The following ZBTB20 variants were observed in gnomAD, a reference collection of about 807,000 sequenced individuals.
ZBTB20 encodes the protein zinc finger and BTB domain containing 20.
Under a neutral mutation model 56.9 loss-of-function variants are expected in ZBTB20, and 9 were observed. The observed-to-expected ratio is 0.16, with a 90% confidence interval of 0.10 to 0.28. The LOEUF is 0.28. ZBTB20 is among the 10% of genes least tolerant of loss of function. The probability of loss-of-function intolerance (pLI) is 1.00; values close to 1 mark genes in which losing one functional copy is unlikely to be tolerated. For missense variants in ZBTB20, 655 were observed against 1,003.0 expected, an observed-to-expected ratio of 0.65 and a Z score of 4.69; for synonymous variants, 417 against 420.7, an observed-to-expected ratio of 0.99 and a Z score of 0.11.
At chr3:114,482,553 A>T (rs1187990468) in intron 7 of ZBTB20, among the ~76,000 whole-genome samples, 1 of 152,026 alleles carries the variant, frequency 6.6e-6, no homozygotes, top group Non-Finnish European at 1.5e-5. Flanking sequence ...AATCTACACA[A>T]ATTTTTTGTT....
chr3:114,830,047 T>A (rs1190094341), intron 4 of ZBTB20, among the ~76,000 whole-genome samples: 1 of 151,926 alleles, frequency 6.6e-6, no homozygotes, highest in African/African-American at 2.4e-5. Flanking sequence ...AATGTATGCA[T>A]CACAAAGTAC....
chr3:115,058,098 C>T (rs1360861890), intron 2 of ZBTB20, among the ~76,000 whole-genome samples: 1 of 152,094 alleles, frequency 6.6e-6, no homozygotes, highest in African/African-American at 2.4e-5. Flanking sequence ...GGTAACCACT[C>T]CCGTGATTAA....
chr3:114,424,710 T>G (rs2108845151), intron 7 of ZBTB20, among the ~76,000 whole-genome samples: 1 of 152,280 alleles, frequency 6.6e-6, no homozygotes, highest in Non-Finnish European at 1.5e-5. Context: ...TTGCATGGGC[T>G]CAAGTTTACG....
At chr3:114,743,997 C>A (rs1439048597) in intron 5 of ZBTB20, among the ~76,000 whole-genome samples, 1 of 152,126 alleles carries the variant, frequency 6.6e-6, no homozygotes, top group Admixed American at 6.5e-5. Flanking sequence ...AAAGAGAAAG[C>A]AAGGAGTAGA....
chr3:115,066,063 A>G (rs924076056), intron 2 of ZBTB20, among the ~76,000 whole-genome samples: 2 of 152,042 alleles, frequency 1.3e-5, no homozygotes, highest in African/African-American at 4.8e-5. Flanking sequence ...CTCCCATGAA[A>G]CTCATTCCCC....
intron 5 of ZBTB20, among the ~76,000 whole-genome samples, chr3:114,767,753 C>T (rs1008343642): frequency 6.6e-6 from 1 of 152,032 alleles, no homozygotes; most frequent in South Asian, 2.1e-4. Flanking sequence ...ATCCAAATGT[C>T]TGGGACACAA....
chr3:114,444,328 T>G (rs1021855763), intron 7 of ZBTB20, among the ~76,000 whole-genome samples: 19 of 152,160 alleles, frequency 1.2e-4, no homozygotes, highest in Admixed American at 7.2e-4. Context: ...GCAGCAGTGT[T>G]AACTCCAGAG....
intron 7 of ZBTB20, among the ~76,000 whole-genome samples, chr3:114,474,055 A>AACTC (rs1268123675): frequency 6.6e-6 from 1 of 152,148 alleles, no homozygotes; most frequent in African/African-American, 2.4e-5. Flanking sequence ...TATGCAGGGA[A>AACTC]ACTCCCCTTT....
chr3:114,779,232 C>A (rs1301796244), intron 5 of ZBTB20, among the ~76,000 whole-genome samples: 2 of 152,138 alleles, frequency 1.3e-5, no homozygotes, highest in African/African-American at 4.8e-5. Context: ...GGATGCATAT[C>A]CTTTCTATAA....
chr3:114,555,301 T>C (rs1428697832), intron 6 of ZBTB20, among the ~76,000 whole-genome samples: 1 of 152,142 alleles, frequency 6.6e-6, no homozygotes, highest in Non-Finnish European at 1.5e-5. Context: ...TTTAATTTAT[T>C]GCAGATGGTG....
intron 6 of ZBTB20, among the ~76,000 whole-genome samples, chr3:114,565,796 GA>G (rs537773624): frequency 1.7e-4 from 26 of 150,096 alleles, no homozygotes; most frequent in Admixed American, 2.7e-4. Flanking sequence ...CACATTTAGA[GA>G]AAAAAAAAGA....
chr3:114,416,165 C>T (rs1032510455), intron 7 of ZBTB20, among the ~76,000 whole-genome samples: 104 of 151,896 alleles, frequency 6.8e-4, no homozygotes, highest in African/African-American at 2.3e-3. Context: ...GTATGGTACA[C>T]CCAGGGATTT....
chr3:114,890,682 T>C lies in ZBTB20; in HGVS notation c.-417+9622A>G, dbSNP rs548253075. On this transcript the variant is annotated intron_variant, in intron 4 of 11. Coordinates refer to ENST00000675478, the MANE Select transcript of ZBTB20 (RefSeq NM_001348800.3). ...AGTTAAGGGGTGCAGCACACCAACA[T>C]GGCACATGTATACATATGTAACAAA... Among the ~76,000 whole-genome samples, 81 of 152,162 alleles carry C rather than the reference T, an allele frequency of 5.3e-4. No homozygotes were observed. In the South Asian group the frequency reaches 5.6e-3, roughly 11 times the overall value.
intron 7 of ZBTB20, among the ~76,000 whole-genome samples, chr3:114,424,484 C>T (rs569896563): frequency 5.3e-5 from 8 of 152,274 alleles, no homozygotes; most frequent in South Asian, 4.2e-4. Context: ...ATGTAATGCA[C>T]GCCAAAAAGA....
intron 1 of ZBTB20, among the ~76,000 whole-genome samples, chr3:115,141,185 G>A (rs1369401008): frequency 6.6e-6 from 1 of 152,088 alleles, no homozygotes; most frequent in Non-Finnish European, 1.5e-5. Flanking sequence ...TGTCAATAGA[G>A]ACTACTGTTT....
chr3:114,946,859 A>G (rs2076903382), intron 3 of ZBTB20, among the ~76,000 whole-genome samples: 1 of 145,782 alleles, frequency 6.9e-6, no homozygotes, highest in South Asian at 2.1e-4. Flanking sequence ...AATAATCAAG[A>G]GTGATCAGAT....
chr3:114,372,331 T>C lies in ZBTB20; in HGVS notation c.199+7886A>G, dbSNP rs113323055. 5.0e-3 allele frequency among the ~76,000 whole-genome samples: 759 copies of C among 152,296 alleles called. 5 individuals carry two copies. The highest frequency in any genetic ancestry group is 0.017 in the African/African-American group (719 of 41,572). Reference sequence around the variant, plus strand: ...GGCCCTAACAATTACATGTGGATAATCATATCTATGCACTGTTTGGGAGAG... The same window carrying C: ...GGCCCTAACAATTACATGTGGATAACCATATCTATGCACTGTTTGGGAGAG... On this transcript the variant is annotated intron_variant, in intron 10 of 11. Coordinates refer to ENST00000675478, the MANE Select transcript of ZBTB20 (RefSeq NM_001348800.3).
intron 5 of ZBTB20, among the ~76,000 whole-genome samples, chr3:114,697,175 T>C (rs376198756): frequency 1.3e-5 from 2 of 151,826 alleles, no homozygotes; most frequent in South Asian, 4.2e-4. Context: ...ATAACTGGCT[T>C]TTTTACATAA....
At chr3:115,068,890 A>C (rs542681255) in intron 2 of ZBTB20, among the ~76,000 whole-genome samples, 1 of 152,108 alleles carries the variant, frequency 6.6e-6, no homozygotes, top group Non-Finnish European at 1.5e-5. Flanking sequence ...GAAAAAAAAA[A>C]AAGTTGACAG....
Sources: gnomAD v4.1 joint callset for allele counts (sites outside exome capture counted in the v4.1 genomes callset) on GRCh38, gnomAD v4.1.1 for gene constraint, MANE v1.5 for transcripts, NCBI Gene and HGNC (gene_info 2026-07-23, HGNC 2026-07-21) for gene names.